Variants in HIBADH observed in about 807,000 individuals in gnomAD.
HIBADH encodes the protein 3-hydroxyisobutyrate dehydrogenase.
Under a neutral mutation model 36.1 loss-of-function variants are expected in HIBADH, and 25 were observed. The ratio of observed to expected loss-of-function variants is 0.69; its 90% CI spans 0.50 to 0.97. The LOEUF is 0.97. HIBADH is among the 50% of genes least tolerant of loss of function. The pLI, the probability that HIBADH is intolerant of heterozygous loss-of-function variation, is 0.00. For synonymous variants in HIBADH, 160 were observed against 149.5 expected (o/e 1.07, Z -0.51); for missense variants, 421 against 418.0 (o/e 1.01, Z -0.06).
intron 4 of HIBADH, among the ~76,000 whole-genome samples, chr7:27,598,304 TTC>T (rs1785064217): frequency 1.3e-5 from 2 of 152,230 alleles, no homozygotes; most frequent in Admixed American, 6.5e-5. Context: ...TGCTTTTATT[TTC>T]TTTTATAAAA....
chr7:27,647,796 G>A (rs2128296801), intron 2 of HIBADH: 1 of 305,462 alleles, frequency 3.3e-6, no homozygotes, highest in Admixed American at 4.2e-5. Flanking sequence ...GGAAAAAGCA[G>A]GAGAGAGTCA....
chr7:27,574,203 G>GAAATGAAATTA (rs1784670093), intron 4 of HIBADH, among the ~76,000 whole-genome samples: 1 of 9,826 alleles, frequency 1.0e-4, no homozygotes, highest in South Asian at 2.5e-3. Flanking sequence ...AATCTCTTTA[G>GAAATGAAATTA]AAATTAGATA....
At chr7:27,607,160 T>C (rs569007562) in intron 4 of HIBADH, among the ~76,000 whole-genome samples, 1 of 152,172 alleles carries the variant, frequency 6.6e-6, no homozygotes, top group Non-Finnish European at 1.5e-5. Context: ...AATGTAAAAG[T>C]TCAGTCCAAT....
intron 4 of HIBADH, among the ~76,000 whole-genome samples, chr7:27,594,025 A>AAAATAAATAAAT (rs538937381): frequency 6.7e-6 from 1 of 149,548 alleles, no homozygotes; most frequent in South Asian, 2.1e-4. Flanking sequence ...TCCGTCTCAA[A>AAAATAAATAAAT]AAATAAATAA....
chr7:27,620,522 C>G (rs1039865268), intron 4 of HIBADH, among the ~76,000 whole-genome samples: 7 of 151,684 alleles, frequency 4.6e-5, no homozygotes, highest in African/African-American at 1.2e-4. Flanking sequence ...AAAAAAAAAC[C>G]CTGGCAGCCA....
intron 4 of HIBADH, among the ~76,000 whole-genome samples, chr7:27,615,813 A>G (rs1038886385): frequency 1.3e-5 from 2 of 152,188 alleles, no homozygotes; most frequent in African/African-American, 4.8e-5. Context: ...GCTATAAAAA[A>G]ACCCCAGGCA....
intron 4 of HIBADH, among the ~76,000 whole-genome samples, chr7:27,585,259 GTGTGTA>G (rs1365804278): frequency 1.8e-5 from 2 of 112,764 alleles, no homozygotes; most frequent in East Asian, 1.7e-3. Context: ...ATATACACAC[GTGTGTA>G]TGTATGTGTA....
chr7:27,650,501 TTTA>T (rs1303948658), intron 1 of HIBADH, among the ~76,000 whole-genome samples: 14 of 145,416 alleles, frequency 9.6e-5, no homozygotes, highest in East Asian at 2.0e-4. Flanking sequence ...TATTTATTTA[TTTA>T]TTTTTTGAGA....
chr7:27,574,581 GA>G (rs1419488951), intron 4 of HIBADH, among the ~76,000 whole-genome samples: 1 of 151,996 alleles, frequency 6.6e-6, no homozygotes, highest in African/African-American at 2.4e-5. Flanking sequence ...GATAGGTTCA[GA>G]CATGCAAAAC....
At chr7:27,601,399 T>C (rs897275036) in intron 4 of HIBADH, among the ~76,000 whole-genome samples, 4 of 152,110 alleles carry the variant, frequency 2.6e-5, no homozygotes, top group South Asian at 4.1e-4. Flanking sequence ...TAGCACTGAA[T>C]AGTGTATTTT....
In HIBADH at chr7:27,538,336, C is replaced by G; in HGVS notation, c.695+5G>C. 1.2e-6 allele frequency: 2 copies of G among 1,608,758 alleles called. No homozygotes were observed. The highest frequency in any genetic ancestry group is 1.7e-6 in the Non-Finnish European group (2 of 1,176,020). On this transcript the variant is annotated splice_donor_5th_base_variant and intron_variant, in intron 6 of 7. Coordinates refer to ENST00000265395, the MANE Select transcript of HIBADH (RefSeq NM_152740.4). ...GTTAGTATAAAAACGTACTATTCAA[C>G]AAACCTGATTCCAAGATTCATAGCT...
At chr7:27,566,293 GTTTTTC>G (rs934149740) in intron 4 of HIBADH, among the ~76,000 whole-genome samples, 1 of 151,662 alleles carries the variant, frequency 6.6e-6, no homozygotes, top group African/African-American at 2.4e-5. Flanking sequence ...CTAGGCTTCT[GTTTTTC>G]TTTTTCAGAA....
At chr7:27,545,858 G>T (rs945335164) in intron 4 of HIBADH, among the ~76,000 whole-genome samples, 1 of 152,272 alleles carries the variant, frequency 6.6e-6, no homozygotes, top group African/African-American at 2.4e-5. Context: ...GTCATGGCTT[G>T]CCAGCATCCC....
At chr7:27,639,010 G>A (rs1027216477) in intron 2 of HIBADH, among the ~76,000 whole-genome samples, 8 of 152,120 alleles carry the variant, frequency 5.3e-5, no homozygotes, top group African/African-American at 1.9e-4. Flanking sequence ...AATTAGATGA[G>A]TTACTGTGGA....
chr7:27,564,096 CA>C (rs1424104328), intron 4 of HIBADH, among the ~76,000 whole-genome samples: 2 of 152,070 alleles, frequency 1.3e-5, no homozygotes, highest in Non-Finnish European at 2.9e-5. Flanking sequence ...GATGGGGTTT[CA>C]CCATGTTAGC....
chr7:27,608,582 A>G (rs1785271197), intron 4 of HIBADH, among the ~76,000 whole-genome samples: 1 of 152,182 alleles, frequency 6.6e-6, no homozygotes, highest in African/African-American at 2.4e-5. Context: ...CAAATTCTCA[A>G]TTACATCTCC....
chr7:27,558,249 C>T (rs1784420755), intron 4 of HIBADH, among the ~76,000 whole-genome samples: 1 of 152,130 alleles, frequency 6.6e-6, no homozygotes, highest in African/African-American at 2.4e-5. Context: ...CCAATTACCA[C>T]ATTTGTCACA....
At chr7:27,567,488 T>C (rs1784564279) in intron 4 of HIBADH, among the ~76,000 whole-genome samples, 1 of 152,180 alleles carries the variant, frequency 6.6e-6, no homozygotes, top group Non-Finnish European at 1.5e-5. Context: ...AATGTTAGTA[T>C]TGATAGGTTT....
At chr7:27,558,042 T>G (rs1287446866) in intron 4 of HIBADH, among the ~76,000 whole-genome samples, 1 of 152,194 alleles carries the variant, frequency 6.6e-6, no homozygotes, top group African/African-American at 2.4e-5. Context: ...TCTTCTGGAC[T>G]TTCCATTTTT....
Sources: gnomAD v4.1 joint callset for allele counts (sites outside exome capture counted in the v4.1 genomes callset) on GRCh38, gnomAD v4.1.1 for gene constraint, MANE v1.5 for transcripts, NCBI Gene and HGNC (gene_info 2026-07-23, HGNC 2026-07-21) for gene names.